CDC42BPA: variants seen among roughly 807,000 people sequenced by gnomAD.
CDC42BPA encodes serine/threonine-protein kinase MRCK alpha.
Under a neutral mutation model 223.5 loss-of-function variants are expected in CDC42BPA, and 80 were observed. The ratio of observed to expected loss-of-function variants is 0.36; its 90% CI spans 0.30 to 0.43. The LOEUF (loss-of-function observed/expected upper bound fraction) is 0.43, where lower values mean the gene tolerates loss of function less well. Among genes scored for constraint, CDC42BPA ranks in the 20% least tolerant of loss-of-function variants. The pLI, the probability that CDC42BPA is intolerant of heterozygous loss-of-function variation, is 1.00. For missense variants in CDC42BPA, 1,743 were observed against 2,099.9 expected (o/e 0.83, Z 3.32); for synonymous variants, 694 against 718.6 (o/e 0.97, Z 0.55).
At chr1:227,202,023 G>A (rs540297867) in intron 3 of CDC42BPA, among the ~76,000 whole-genome samples, 17 of 152,044 alleles carry the variant, frequency 1.1e-4, no homozygotes, top group Admixed American at 5.2e-4. Context: ...TCGCTCTGTC[G>A]CCCAGGCTGG....
At chr1:227,263,767 AGACGGG>A (rs1684515687) in intron 1 of CDC42BPA, among the ~76,000 whole-genome samples, 1 of 151,916 alleles carries the variant, frequency 6.6e-6, no homozygotes, top group Non-Finnish European at 1.5e-5. Context: ...TTTTTAGTAG[AGACGGG>A]GTTTCACCAT....
At chr1:227,114,963 A>G (rs1391032005) in intron 12 of CDC42BPA, among the ~76,000 whole-genome samples, 1 of 152,138 alleles carries the variant, frequency 6.6e-6, no homozygotes, top group Non-Finnish European at 1.5e-5. Flanking sequence ...CCACCAAAAG[A>G]CTAGAGAGTA....
chr1:227,107,887 C>T (rs1030535646), intron 14 of CDC42BPA, among the ~76,000 whole-genome samples: 1 of 152,050 alleles, frequency 6.6e-6, no homozygotes, highest in African/African-American at 2.4e-5. Context: ...ACAGTTGTTC[C>T]TCTTATAATT....
chr1:227,044,538 T>G (rs2148805679), intron 23 of CDC42BPA, among the ~76,000 whole-genome samples: 2 of 152,318 alleles, frequency 1.3e-5, no homozygotes, highest in Middle Eastern at 3.4e-3. Flanking sequence ...ACAGGCAATT[T>G]CATTTAACTC....
chr1:227,243,727 G>GAT (rs928975011), intron 2 of CDC42BPA, among the ~76,000 whole-genome samples: 8 of 151,504 alleles, frequency 5.3e-5, no homozygotes, highest in African/African-American at 1.9e-4. Flanking sequence ...TTTGGAGAGA[G>GAT]GGAAATGCCA....
chr1:227,012,876 C>A (rs1665488343), intron 34 of CDC42BPA, among the ~76,000 whole-genome samples: 1 of 152,002 alleles, frequency 6.6e-6, no homozygotes, highest in South Asian at 2.1e-4. Context: ...ATTGTATTTA[C>A]TAGTGTCTAC....
At chr1:227,220,282 T>TTATATATATATATATATATATA (rs368690606) in intron 2 of CDC42BPA, among the ~76,000 whole-genome samples, 6 of 100,878 alleles carry the variant, frequency 5.9e-5, no homozygotes, top group East Asian at 6.1e-4. Flanking sequence ...AAAAGTCATG[T>TTATATATATATATATATATATA]TATATATATA....
chr1:227,095,501 C>A (rs913653637), intron 15 of CDC42BPA, among the ~76,000 whole-genome samples: 2 of 151,378 alleles, frequency 1.3e-5, no homozygotes, highest in African/African-American at 2.4e-5. Context: ...TTCTGTGGAT[C>A]ATGATGACTT....
chr1:227,307,273 C>T (rs1692721135), intron 1 of CDC42BPA, among the ~76,000 whole-genome samples: 2 of 152,064 alleles, frequency 1.3e-5, no homozygotes, highest in South Asian at 2.1e-4. Context: ...TAAACAGATA[C>T]GCTAAAAAAT....
chr1:227,106,273 C>T (rs1354919422), intron 14 of CDC42BPA, among the ~76,000 whole-genome samples: 2 of 151,850 alleles, frequency 1.3e-5, no homozygotes, highest in Non-Finnish European at 1.5e-5. Flanking sequence ...AGTCTTTTGC[C>T]CATTTTTTGA....
At chr1:227,088,030 A>C (rs1239414730) in intron 16 of CDC42BPA, among the ~76,000 whole-genome samples, 1 of 152,228 alleles carries the variant, frequency 6.6e-6, no homozygotes, top group South Asian at 2.1e-4. Flanking sequence ...AGTGACAAGC[A>C]GTTTTCAATA....
At chr1:227,314,161 C>T (rs908146718) in intron 1 of CDC42BPA, among the ~76,000 whole-genome samples, 3 of 152,046 alleles carry the variant, frequency 2.0e-5, no homozygotes, top group Non-Finnish European at 4.4e-5. Flanking sequence ...TCTACAACTC[C>T]ACTGTAATTT....
intron 3 of CDC42BPA, among the ~76,000 whole-genome samples, chr1:227,208,510 T>C (rs904346105): frequency 3.4e-5 from 5 of 149,130 alleles, no homozygotes; most frequent in Middle Eastern, 3.4e-3. Context: ...AAGTCTTTAA[T>C]CCATCTTGAA....
intron 28 of CDC42BPA, among the ~76,000 whole-genome samples, chr1:227,030,992 A>C (rs1452246614): frequency 1.3e-5 from 2 of 152,132 alleles, no homozygotes; most frequent in East Asian, 3.9e-4. Context: ...TGTATTTTAT[A>C]TATTAAACTC....
At chr1:227,181,904 A>C in intron 5 of CDC42BPA, among the ~76,000 whole-genome samples, 1 of 152,214 alleles carries the variant, frequency 6.6e-6, no homozygotes, top group East Asian at 1.9e-4. Flanking sequence ...GCAATACCCT[A>C]CAGCCTTCCC....
intron 3 of CDC42BPA, among the ~76,000 whole-genome samples, chr1:227,203,992 A>T (rs2150267642): frequency 6.6e-6 from 1 of 152,332 alleles, no homozygotes; most frequent in African/African-American, 2.4e-5. Flanking sequence ...GCATGAGTTA[A>T]AAAGAAACAA....
intron 13 of CDC42BPA, 78 bp from the exon 14 acceptor site, chr1:227,112,500 T>C: frequency 1.8e-6 from 2 of 1,133,878 alleles, no homozygotes; most frequent in Non-Finnish European, 2.5e-6. Flanking sequence ...AATGAGAATT[T>C]ACCTTGTAAC....
At chr1:227,071,224 C>T (rs1169510490) in intron 20 of CDC42BPA, among the ~76,000 whole-genome samples, 1 of 151,840 alleles carries the variant, frequency 6.6e-6, no homozygotes, top group Non-Finnish European at 1.5e-5. Context: ...TATCATTTTA[C>T]ATGCAGATGC....
intron 35 of CDC42BPA, among the ~76,000 whole-genome samples, chr1:226,997,549 C>T (rs1661889140): frequency 2.0e-5 from 3 of 152,062 alleles, no homozygotes; most frequent in African/African-American, 4.8e-5. Context: ...GTTAGGGTGT[C>T]GATTTTAGAT....
Sources: gnomAD v4.1 joint callset for allele counts (sites outside exome capture counted in the v4.1 genomes callset) on GRCh38, gnomAD v4.1.1 for gene constraint, MANE v1.5 for transcripts, NCBI Gene and HGNC (gene_info 2026-07-23, HGNC 2026-07-21) for gene names.